DLG2: variants seen among roughly 807,000 people sequenced by gnomAD.
DLG2 encodes disks large homolog 2.
In DLG2, 45 loss-of-function variants were observed where a neutral mutation model predicts 132.5. The observed-to-expected ratio is 0.34, with a 90% CI of 0.27 to 0.44. DLG2 has a LOEUF of 0.44. Among genes scored for constraint, DLG2 ranks in the 20% least tolerant of loss-of-function variants. The probability of loss-of-function intolerance (pLI) is 1.00; values close to 1 mark genes in which losing one functional copy is unlikely to be tolerated. For missense variants in DLG2, 1,045 were observed against 1,196.9 expected (o/e 0.87, Z 1.87); for synonymous variants, 424 against 419.6 (o/e 1.01, Z -0.13).
chr11:85,181,222 G>A (rs534262370), intron 4 of DLG2, among the ~76,000 whole-genome samples: 37 of 150,872 alleles, frequency 2.5e-4, no homozygotes, highest in South Asian at 1.3e-3. Flanking sequence ...ATATGTATAC[G>A]TATATGTATA....
intron 6 of DLG2, among the ~76,000 whole-genome samples, chr11:84,641,208 AGC>A (rs2099662889): frequency 2.0e-5 from 3 of 152,276 alleles, no homozygotes; most frequent in Admixed American, 2.0e-4. Flanking sequence ...CATATCCTTC[AGC>A]AAATTATTCA....
At chr11:84,005,266 A>G (rs1297064484) in intron 11 of DLG2, among the ~76,000 whole-genome samples, 1 of 152,008 alleles carries the variant, frequency 6.6e-6, no homozygotes, top group East Asian at 1.9e-4. Flanking sequence ...ATCCTTTTCA[A>G]TAAGTGATCC....
At chr11:84,774,420 T>C (rs1443005937) in intron 6 of DLG2, among the ~76,000 whole-genome samples, 2 of 152,072 alleles carry the variant, frequency 1.3e-5, no homozygotes, top group African/African-American at 4.8e-5. Context: ...CAACATTCTT[T>C]TTCCCAGAAT....
chr11:83,661,646 G>T (rs2074302764), intron 18 of DLG2, among the ~76,000 whole-genome samples: 1 of 152,018 alleles, frequency 6.6e-6, no homozygotes, highest in African/African-American at 2.4e-5. Context: ...TGACTCCAAA[G>T]CTCATGTCCA....
chr11:84,853,500 A>C (rs1251652472), intron 6 of DLG2, among the ~76,000 whole-genome samples: 1 of 152,004 alleles, frequency 6.6e-6, no homozygotes, highest in Non-Finnish European at 1.5e-5. Context: ...TATATCTTAA[A>C]ATAAGATAAA....
intron 18 of DLG2, among the ~76,000 whole-genome samples, chr11:83,656,037 A>G (rs959813777): frequency 1.1e-4 from 16 of 152,138 alleles, no homozygotes; most frequent in Admixed American, 7.9e-4. Flanking sequence ...CCTGGTCAGC[A>G]CCCCACTCAT....
chr11:85,098,378 G>A (rs1348946287), intron 6 of DLG2, among the ~76,000 whole-genome samples: 4 of 152,202 alleles, frequency 2.6e-5, no homozygotes, highest in African/African-American at 9.7e-5. Flanking sequence ...GACTGGATTA[G>A]ATGAGATTCT....
chr11:85,420,881 G>A (rs553898696), intron 3 of DLG2, among the ~76,000 whole-genome samples: 28 of 152,300 alleles, frequency 1.8e-4, no homozygotes, highest in African/African-American at 4.1e-4. Context: ...CTCCCTGGCC[G>A]CAGGATCCAC....
At chr11:85,160,599 C>T (rs934238066) in intron 4 of DLG2, among the ~76,000 whole-genome samples, 2 of 152,164 alleles carry the variant, frequency 1.3e-5, no homozygotes, top group African/African-American at 2.4e-5. Flanking sequence ...GGGTCATGCA[C>T]AGCAGCATTC....
rs1156392906 is a variant in DLG2, at chr11:85,442,725, T to TA, written c.40+155931dup. Among the ~76,000 whole-genome samples, 8 of 150,916 alleles carry TA rather than the reference T, an allele frequency of 5.3e-5. No individual in the cohort carries two copies. The East Asian group carries it at 1.4e-3, about 26-fold the overall frequency. Reference sequence around the variant, plus strand: ...AAATAAAAAAAAATAAAAAATAAATTAAAAAAAATAGCCAGACATGGTGGC... The same window carrying TA: ...AAATAAAAAAAAATAAAAAATAAATTAAAAAAAAATAGCCAGACATGGTGGC... On this transcript the variant is annotated intron_variant, in intron 3 of 27. Transcript: ENST00000376104.
intron 7 of DLG2, among the ~76,000 whole-genome samples, chr11:84,384,455 T>G (rs2098760769): frequency 6.6e-6 from 1 of 152,076 alleles, no homozygotes; most frequent in South Asian, 2.1e-4. Context: ...ATAGTAAGCT[T>G]TGCAAAATTA....
intron 3 of DLG2, among the ~76,000 whole-genome samples, chr11:85,492,191 C>T (rs1029352644): frequency 6.6e-6 from 1 of 152,146 alleles, no homozygotes; most frequent in Admixed American, 6.5e-5. Context: ...GCCACATATG[C>T]ATATTTCAAA....
chr11:84,362,374 A>G (rs932293913), intron 7 of DLG2, among the ~76,000 whole-genome samples: 1 of 152,032 alleles, frequency 6.6e-6, no homozygotes, highest in Non-Finnish European at 1.5e-5. Context: ...AAGAGTTGTT[A>G]TAACAGCTGC....
At chr11:84,441,260 C>G (rs1331856195) in intron 7 of DLG2, among the ~76,000 whole-genome samples, 1 of 151,888 alleles carries the variant, frequency 6.6e-6, no homozygotes, top group Admixed American at 6.6e-5. Flanking sequence ...AATCTTCCTC[C>G]CTCAGCCTCC....
chr11:84,518,617 G>A (rs1013705285), intron 7 of DLG2, among the ~76,000 whole-genome samples: 2 of 152,138 alleles, frequency 1.3e-5, no homozygotes, highest in East Asian at 3.9e-4. Flanking sequence ...GCTTTGCTGA[G>A]GCCCATTTCA....
At chr11:83,986,745 C>A (rs540289937) in intron 11 of DLG2, among the ~76,000 whole-genome samples, 3 of 151,892 alleles carry the variant, frequency 2.0e-5, no homozygotes, top group East Asian at 1.9e-4. Flanking sequence ...TTTTAATGAT[C>A]GCCATTCTAA....
At chr11:84,056,641 A>T (rs919236485) in intron 11 of DLG2, among the ~76,000 whole-genome samples, 1 of 152,136 alleles carries the variant, frequency 6.6e-6, no homozygotes, top group Non-Finnish European at 1.5e-5. Context: ...GAAGAATTAT[A>T]AGGTGCCAAG....
In DLG2 at chr11:85,112,115, A is replaced by C. The variant is rs561713186; in HGVS notation, c.283-380T>G. 2.0e-5 allele frequency among the ~76,000 whole-genome samples: 3 copies of C among 152,128 alleles called. No homozygotes were observed. In the East Asian group the frequency reaches 5.8e-4, roughly 30 times the overall value. ...TAAGATCACATGAGTCAAGGTATAG[A>C]ATGGCTGTTTATTTGTCTCTGTTTC... On this transcript the variant is annotated intron_variant, in intron 5 of 27. Transcript: ENST00000376104.
At chr11:84,077,920 C>T (rs1343521926) in intron 10 of DLG2, among the ~76,000 whole-genome samples, 3 of 152,060 alleles carry the variant, frequency 2.0e-5, no homozygotes, top group Admixed American at 1.3e-4. Flanking sequence ...AACACATGTA[C>T]AAATATAAAT....
Sources: gnomAD v4.1 joint callset for allele counts (sites outside exome capture counted in the v4.1 genomes callset) on GRCh38, gnomAD v4.1.1 for gene constraint, MANE v1.5 for transcripts, NCBI Gene and HGNC (gene_info 2026-07-23, HGNC 2026-07-21) for gene names.